Variants in HLTF observed in about 807,000 individuals in gnomAD.
The protein encoded by HLTF is DNA-dependent ATPase/E3 ubiquitin-protein ligase HLTF.
A neutral mutation model predicts 129.4 loss-of-function variants in HLTF; 127 were observed. That is an observed-to-expected ratio of 0.98 (90% CI 0.85 to 1.14). The LOEUF is 1.14. Ranked by LOEUF, HLTF falls within the 50% of genes most tolerant of loss-of-function variation. The probability of loss-of-function intolerance (pLI) is 0.00; values close to 1 mark genes in which losing one functional copy is unlikely to be tolerated. For synonymous variants in HLTF, 332 were observed against 388.8 expected (o/e 0.85, Z 1.72); for missense variants, 1,139 against 1,187.1 (o/e 0.96, Z 0.60).
chr3:149,075,215 A>G (rs1176238452), intron 3 of HLTF, among the ~76,000 whole-genome samples: 1 of 152,240 alleles, frequency 6.6e-6, no homozygotes, highest in Non-Finnish European at 1.5e-5. Flanking sequence ...ATTCACCTAC[A>G]TCATATCACA....
rs746770547 is a variant in HLTF at position 149,048,187 on chromosome 3, TAA to T, written c.1757-26_1757-25del. 6.3e-6 allele frequency: 10 copies of T among 1,582,800 alleles called. No individual in the cohort carries two copies. In the African/African-American group the frequency reaches 9.6e-5, roughly 15 times the overall value. ...ACCTAGAAATAACAGGAAACTGTTA[TAA>T]CTCTTTAACCAGAGTATCCAGTAAG... On this transcript the variant is annotated intron_variant, in intron 16 of 24. Transcript: ENST00000310053.
At chr3:149,053,296 C>T (rs573590205) in intron 14 of HLTF, among the ~76,000 whole-genome samples, 4 of 152,264 alleles carry the variant, frequency 2.6e-5, no homozygotes, top group East Asian at 1.9e-4. Flanking sequence ...TGGCTCATAG[C>T]GGTGGATCCC....
At chr3:149,084,944 AC>A in intron 1 of HLTF, 55 bp from the exon 2 acceptor site, 1 of 1,261,990 alleles carries the variant, frequency 7.9e-7, no homozygotes, top group Non-Finnish European at 1.1e-6. Flanking sequence ...ATTTCCAAAG[AC>A]CATATGAGTA....
chr3:149,063,729 C>T (rs1412486804), intron 9 of HLTF, among the ~76,000 whole-genome samples: 3 of 151,920 alleles, frequency 2.0e-5, no homozygotes, highest in African/African-American at 4.8e-5. Context: ...ATTTTTATGA[C>T]CCAGTCTTTT....
intron 18 of HLTF, among the ~76,000 whole-genome samples, chr3:149,045,276 T>G (rs1716449492): frequency 6.6e-6 from 1 of 152,272 alleles, no homozygotes; most frequent in South Asian, 2.1e-4. Flanking sequence ...ATATATCATC[T>G]TCTCAGTGAG....
At chr3:149,067,505 AT>A (rs1718488361) in intron 8 of HLTF, among the ~76,000 whole-genome samples, 1 of 151,904 alleles carries the variant, frequency 6.6e-6, no homozygotes, top group South Asian at 2.1e-4. Context: ...CCTTTATTTT[AT>A]TTTTATTTGT....
At chr3:149,066,152 T>C (rs1054069303) in intron 8 of HLTF, among the ~76,000 whole-genome samples, 1 of 152,078 alleles carries the variant, frequency 6.6e-6, no homozygotes, top group Non-Finnish European at 1.5e-5. Flanking sequence ...GTTCAAGTGA[T>C]TCTCCTGCCT....
chr3:149,071,001 C>T (rs902589424), intron 7 of HLTF, among the ~76,000 whole-genome samples: 1 of 150,950 alleles, frequency 6.6e-6, no homozygotes, highest in Admixed American at 6.6e-5. Context: ...GCCAAGATCG[C>T]GTCACTGCAC....
At chr3:149,080,848 A>C (rs1719800928) in intron 2 of HLTF, among the ~76,000 whole-genome samples, 1 of 152,192 alleles carries the variant, frequency 6.6e-6, no homozygotes, top group African/African-American at 2.4e-5. Context: ...AAAGACAAGA[A>C]TAACAAAAGG....
chr3:149,041,493 C>A lies in HLTF; in HGVS notation c.2373G>T (p.Glu791Asp). 1.2e-6 allele frequency: 2 copies of A among 1,611,580 alleles called. No individual in the cohort carries two copies. The change falls in exon 20 of 25, where the codon GAG becomes GAT. Residue 791 changes from glutamate to aspartate, a missense_variant. Transcript: ENST00000310053. Reference sequence around the variant, plus strand: ...CTGTACTGAGCAAAAAACTAACCTGCTCATTCTGAATGACTTGGCAAATAC... The same window carrying A: ...CTGTACTGAGCAAAAAACTAACCTGATCATTCTGAATGACTTGGCAAATAC... ...KPCICQVIQN[E>D]QPHAKCPLCR... is the part of the protein sequence containing the mutation.
At chr3:149,043,771 T>C (rs978849294) in intron 18 of HLTF, among the ~76,000 whole-genome samples, 2 of 152,192 alleles carry the variant, frequency 1.3e-5, no homozygotes, top group Non-Finnish European at 2.9e-5. Flanking sequence ...AACCTGGCTG[T>C]GCCAATTTAA....
At chr3:149,085,003 C>A in intron 1 of HLTF, 114 bp from the exon 2 acceptor site, 1 of 729,520 alleles carries the variant, frequency 1.4e-6, no homozygotes. Context: ...ATGGGAATCA[C>A]GGTAAAGATT....
chr3:149,034,417 G>A (rs1466399798), intron 24 of HLTF, among the ~76,000 whole-genome samples: 1 of 152,130 alleles, frequency 6.6e-6, no homozygotes, highest in Non-Finnish European at 1.5e-5. Context: ...TAGTTGCCAG[G>A]GGCTGGGGGG....
At position 149,041,546 on chromosome 3, in the gene HLTF, G is replaced by A. The variant is rs755454529; in HGVS notation, c.2320C>T (p.His774Tyr). The A allele has an allele frequency of 1.2e-6, 2 of 1,613,136 alleles. No homozygotes were observed. The highest frequency in any genetic ancestry group is 2.7e-5 in the African/African-American group (2 of 74,884). The change falls in exon 20 of 25, where the codon CAT (histidine) becomes TAT (tyrosine). Residue 774 changes from histidine (H) to tyrosine (Y), a missense_variant. His to Tyr is a moderately conservative substitution (Grantham distance 83, BLOSUM62 2). Coordinates refer to ENST00000310053, the MANE Select transcript of HLTF (RefSeq NM_003071.4). ...GGTTTACAAAATACATGTGCACAAT[G>A]TGTTATCACAGGAACTGTTAAAGAA... ...LDSLTVPVIT[H>Y]CAHVFCKPCI...
chr3:149,062,892 A>G (rs1718065361), intron 10 of HLTF, among the ~76,000 whole-genome samples: 1 of 152,224 alleles, frequency 6.6e-6, no homozygotes, highest in Non-Finnish European at 1.5e-5. Context: ...AGTGATTATT[A>G]AAATTTACCA....
chr3:149,035,732 C>G (rs933902956), intron 23 of HLTF, among the ~76,000 whole-genome samples: 12 of 147,756 alleles, frequency 8.1e-5, no homozygotes, highest in Non-Finnish European at 1.8e-4. Context: ...TTTGTTGATG[C>G]TATTTTCTGT....
intron 13 of HLTF, among the ~76,000 whole-genome samples, chr3:149,057,574 G>A (rs1262961320): frequency 6.6e-6 from 1 of 152,170 alleles, no homozygotes; most frequent in East Asian, 1.9e-4. Context: ...AGGGGGCCCT[G>A]GAACCAAATC....
In HLTF at chr3:149,060,551, C is replaced by T. The variant is rs1027252689; in HGVS notation, c.1285+92G>A. ...CATCAGCCAAGTTTAAGAGCTATTACTAAAACATTCCAACCTAGCGAGATA... is the reference window on the plus strand; with the variant it reads ...CATCAGCCAAGTTTAAGAGCTATTATTAAAACATTCCAACCTAGCGAGATA... On this transcript the variant is annotated intron_variant, in intron 12 of 24. Coordinates refer to ENST00000310053, the MANE Select transcript of HLTF (RefSeq NM_003071.4). 28 of 1,020,402 alleles carry T rather than the reference C, an allele frequency of 2.7e-5. No homozygotes were observed. The Admixed American group carries it at 4.0e-4, about 15-fold the overall frequency. 63.2% of individuals were successfully genotyped at this position (1,020,402 alleles called of 1,614,324 possible).
intron 7 of HLTF, 67 bp from the exon 8 acceptor site, chr3:149,068,402 A>G: frequency 1.4e-6 from 1 of 714,852 alleles, no homozygotes; most frequent in South Asian, 1.8e-5. Context: ...AAACGTTCCC[A>G]TTTTAAAATC....
Sources: allele counts gnomAD v4.1 joint callset (sites outside exome capture counted in the v4.1 genomes callset), GRCh38; gene constraint gnomAD v4.1.1; transcripts MANE v1.5; gene names NCBI Gene and HGNC (gene_info 2026-07-23, HGNC 2026-07-21).